EYS: variants seen among roughly 807,000 people sequenced by gnomAD.
The protein encoded by EYS is EGF-like photoreceptor maintenance factor.
EYS carries 250 observed loss-of-function variants against 282.1 expected under a neutral mutation model. The ratio of observed to expected loss-of-function variants is 0.89; its 90% CI spans 0.80 to 0.98. The LOEUF is 0.98. EYS is among the 50% of genes least tolerant of loss of function. The probability of loss-of-function intolerance (pLI) is 0.00; values close to 1 mark genes in which losing one functional copy is unlikely to be tolerated. For synonymous variants in EYS, 1,355 were observed against 1,282.9 expected, an observed-to-expected ratio of 1.06 and a Z score of -1.20; for missense variants, 4,016 against 3,709.0, an observed-to-expected ratio of 1.08 and a Z score of -2.15.
At chr6:63,946,111 A>C (rs1765389836) in intron 35 of EYS, among the ~76,000 whole-genome samples, 1 of 152,176 alleles carries the variant, frequency 6.6e-6, no homozygotes, top group Non-Finnish European at 1.5e-5. Context: ...TGAAAACTCA[A>C]GCTCAGGGCT....
chr6:64,631,913 A>G lies in EYS; in HGVS notation c.3444-5668T>C, dbSNP rs183184814. On this transcript the variant is annotated intron_variant, in intron 22 of 42. Transcript: ENST00000503581. ...AATTCAAGTTACATACATTCACTAA[A>G]TTCTTATTTGCCTTTGAAATATTTA... Among the ~76,000 whole-genome samples the G allele has an allele frequency of 8.5e-5, 13 of 152,120 alleles. No homozygotes were observed. In the East Asian group the frequency reaches 2.3e-3, roughly 27 times the overall value.
chr6:64,586,008 G>A (rs573281846), intron 26 of EYS, among the ~76,000 whole-genome samples: 4 of 152,174 alleles, frequency 2.6e-5, no homozygotes, highest in African/African-American at 9.6e-5. Flanking sequence ...ATAAGCAGTA[G>A]TTTGAACTTT....
Position 64,552,854 on chromosome 6 carries a change from G to A in EYS, c.5644+37369C>T, listed in dbSNP as rs562281765. On this transcript the variant is annotated intron_variant, in intron 26 of 42. Coordinates refer to ENST00000503581, the MANE Select transcript of EYS (RefSeq NM_001142800.2). ...ACATCACTTGAACTGGGGAGGCAGA[G>A]GTTGCTGTGAGCAGAGATCACGCCA... Among the ~76,000 whole-genome samples the A allele has an allele frequency of 3.8e-3, 581 of 151,954 alleles. 3 individuals carry two copies. The highest frequency in any genetic ancestry group is 0.013 in the African/African-American group (539 of 41,414).
At chr6:65,476,027 T>A (rs1765391899) in intron 5 of EYS, among the ~76,000 whole-genome samples, 1 of 152,016 alleles carries the variant, frequency 6.6e-6, no homozygotes, top group African/African-American at 2.4e-5. Flanking sequence ...TTAAGTAAAA[T>A]TTTGTCAGGG....
chr6:64,547,323 G>A (rs541222043), intron 26 of EYS, among the ~76,000 whole-genome samples: 18 of 152,184 alleles, frequency 1.2e-4, no homozygotes, highest in South Asian at 4.1e-4. Flanking sequence ...ACAGAGAGCC[G>A]ACTGCTCCAT....
chr6:65,219,216 C>G (rs775680730), intron 12 of EYS, among the ~76,000 whole-genome samples: 14 of 152,134 alleles, frequency 9.2e-5, no homozygotes, highest in Non-Finnish European at 1.3e-4. Context: ...AGCACACATA[C>G]ATATATTTGG....
chr6:63,722,665 C>G (rs1183365651), intron 42 of EYS, among the ~76,000 whole-genome samples: 1 of 152,176 alleles, frequency 6.6e-6, no homozygotes, highest in African/African-American at 2.4e-5. Flanking sequence ...TCTTCTCCCT[C>G]TGAAATTTCC....
intron 11 of EYS, among the ~76,000 whole-genome samples, chr6:65,316,551 T>A (rs1173908960): frequency 1.3e-5 from 2 of 150,656 alleles, no homozygotes; most frequent in Non-Finnish European, 3.0e-5. Context: ...TACATAGGTA[T>A]ACAAGTGCCA....
intron 1 of EYS, among the ~76,000 whole-genome samples, chr6:65,688,007 C>T (rs1769094407): frequency 6.6e-6 from 1 of 152,040 alleles, no homozygotes; most frequent in Non-Finnish European, 1.5e-5. Flanking sequence ...GCCATATGGC[C>T]CAAGGTAATT....
intron 2 of EYS, among the ~76,000 whole-genome samples, chr6:65,627,577 T>A (rs1021601259): frequency 6.6e-6 from 1 of 152,078 alleles, no homozygotes; most frequent in Non-Finnish European, 1.5e-5. Flanking sequence ...GCGGGCCAGC[T>A]GGAGTTCCGG....
At chr6:65,549,075 G>A (rs1768503640) in intron 2 of EYS, among the ~76,000 whole-genome samples, 1 of 152,156 alleles carries the variant, frequency 6.6e-6, no homozygotes, top group South Asian at 2.1e-4. Context: ...CCTGACAGGA[G>A]GCAAAGCTCA....
chr6:64,303,568 C>T (rs1205486303), intron 30 of EYS, among the ~76,000 whole-genome samples: 9 of 152,172 alleles, frequency 5.9e-5, no homozygotes, highest in Admixed American at 1.3e-4. Flanking sequence ...GATAGCCGGG[C>T]GCGGTGGCTC....
intron 31 of EYS, among the ~76,000 whole-genome samples, chr6:64,123,768 A>G (rs1370826369): frequency 6.6e-6 from 1 of 152,236 alleles, no homozygotes; most frequent in East Asian, 1.9e-4. Context: ...AGATATAAAT[A>G]CAAAATTAAA....
intron 19 of EYS, among the ~76,000 whole-genome samples, chr6:64,825,605 C>T (rs148049671): frequency 9.2e-5 from 14 of 151,788 alleles, no homozygotes; most frequent in East Asian, 5.8e-4. Flanking sequence ...TTAGTCCTTG[C>T]GAAGGTGAGA....
intron 35 of EYS, among the ~76,000 whole-genome samples, chr6:63,960,943 G>A (rs1414485603): frequency 6.6e-6 from 1 of 152,068 alleles, no homozygotes; most frequent in Non-Finnish European, 1.5e-5. Flanking sequence ...TGTTTCCAAG[G>A]TATGTCTGTA....
intron 29 of EYS, among the ~76,000 whole-genome samples, chr6:64,330,580 A>G (rs958500172): frequency 6.6e-6 from 1 of 152,154 alleles, no homozygotes; most frequent in African/African-American, 2.4e-5. Context: ...CTTGGTACAA[A>G]AACTAGGGTC....
At chr6:64,171,238 T>A (rs573920168) in intron 31 of EYS, among the ~76,000 whole-genome samples, 1 of 152,222 alleles carries the variant, frequency 6.6e-6, no homozygotes, top group African/African-American at 2.4e-5. Flanking sequence ...TACTCTTGAC[T>A]GTTTCTCTGA....
At chr6:63,973,080 A>T (rs1340842920) in intron 35 of EYS, among the ~76,000 whole-genome samples, 4 of 152,040 alleles carry the variant, frequency 2.6e-5, no homozygotes, top group African/African-American at 9.7e-5. Flanking sequence ...CAGTAATAGG[A>T]TTGCTGGGTC....
At chr6:65,423,521 C>T (rs552545605) in intron 5 of EYS, among the ~76,000 whole-genome samples, 1 of 151,976 alleles carries the variant, frequency 6.6e-6, no homozygotes, top group Non-Finnish European at 1.5e-5. Flanking sequence ...TCTGATTCAG[C>T]GGGTCTACAT....
Sources: allele counts gnomAD v4.1 joint callset (sites outside exome capture counted in the v4.1 genomes callset), GRCh38; gene constraint gnomAD v4.1.1; transcripts MANE v1.5; gene names NCBI Gene and HGNC (gene_info 2026-07-23, HGNC 2026-07-21).